KCNT2: variants seen among roughly 807,000 people sequenced by gnomAD.
The protein encoded by KCNT2 is potassium channel subfamily T member 2.
A neutral mutation model predicts 153.8 loss-of-function variants in KCNT2; 67 were observed. The ratio of observed to expected loss-of-function variants is 0.44; its 90% CI spans 0.36 to 0.53. The LOEUF (loss-of-function observed/expected upper bound fraction) is 0.53. Among genes scored for constraint, KCNT2 ranks in the 20% least tolerant of loss-of-function variants. KCNT2 has a pLI of 0.00. For synonymous variants in KCNT2, 500 were observed against 458.8 expected, an observed-to-expected ratio of 1.09 and a Z score of -1.15; for missense variants, 975 against 1,354.8, an observed-to-expected ratio of 0.72 and a Z score of 4.40.
At position 196,326,020 on chromosome 1, in the gene KCNT2, A is replaced by T. The variant is rs555962371; in HGVS notation, c.2276+697T>A. 2.6e-5 allele frequency among the ~76,000 whole-genome samples: 4 copies of T among 152,214 alleles called. No homozygotes were observed. In the South Asian group the frequency reaches 8.3e-4, roughly 32 times the overall value. On this transcript the variant is annotated intron_variant, in intron 19 of 27. Coordinates refer to ENST00000294725, the MANE Select transcript of KCNT2 (RefSeq NM_198503.5). ...ATGAGGAGAGTGAGAGAATCCTAAA[A>T]TATGGTATTAATCTAAAGACCACCT...
At chr1:196,517,299 C>A (rs906177986) in intron 1 of KCNT2, among the ~76,000 whole-genome samples, 2 of 152,138 alleles carry the variant, frequency 1.3e-5, no homozygotes, top group African/African-American at 4.8e-5. Context: ...GCAGTTAAAG[C>A]AATATCCACA....
intron 1 of KCNT2, among the ~76,000 whole-genome samples, chr1:196,578,263 G>T (rs2148967932): frequency 6.7e-6 from 1 of 150,082 alleles, no homozygotes; most frequent in East Asian, 2.0e-4. Context: ...ACAATCAGTT[G>T]TAACCGATCC....
intron 14 of KCNT2, among the ~76,000 whole-genome samples, chr1:196,369,608 G>A (rs1182106814): frequency 9.2e-5 from 14 of 151,930 alleles, no homozygotes; most frequent in Non-Finnish European, 1.6e-4. Context: ...AGTTTACTGA[G>A]AATGATGATT....
At chr1:196,353,570 C>T (rs1385765683) in intron 14 of KCNT2, among the ~76,000 whole-genome samples, 1 of 151,850 alleles carries the variant, frequency 6.6e-6, no homozygotes, top group East Asian at 1.9e-4. Flanking sequence ...ATTATCTGTT[C>T]CATTAACTTT....
In KCNT2 at chr1:196,417,697, G is replaced by A. The variant is rs559993104; in HGVS notation, c.1185+5353C>T. On this transcript the variant is annotated intron_variant, in intron 12 of 27. Coordinates refer to ENST00000294725, the MANE Select transcript of KCNT2 (RefSeq NM_198503.5). ...ATATACAAGTCATGATTCACTTAGCGATGGGGATATATTCTGAGAAATCCA... is the reference window on the plus strand; with the variant it reads ...ATATACAAGTCATGATTCACTTAGCAATGGGGATATATTCTGAGAAATCCA... 2.4e-3 allele frequency among the ~76,000 whole-genome samples: 369 copies of A among 152,108 alleles called. 4 individuals carry two copies. The highest frequency in any genetic ancestry group is 4.5e-3 in the Non-Finnish European group (304 of 67,984).
At chr1:196,492,420 T>C (rs572264322) in intron 1 of KCNT2, 79 bp from the exon 2 acceptor site, 79 of 1,058,000 alleles carry the variant, frequency 7.5e-5, no homozygotes, top group Admixed American at 2.6e-4. Context: ...CAAATATAAA[T>C]TGATCTGTAG....
intron 4 of KCNT2, among the ~76,000 whole-genome samples, chr1:196,480,162 C>G (rs1406878643): frequency 6.6e-6 from 1 of 151,994 alleles, no homozygotes; most frequent in Non-Finnish European, 1.5e-5. Flanking sequence ...ACTCTACAAC[C>G]TTAGGATAGA....
intron 8 of KCNT2, among the ~76,000 whole-genome samples, chr1:196,455,553 AT>A (rs778327896): frequency 6.6e-6 from 1 of 151,760 alleles, no homozygotes; most frequent in Non-Finnish European, 1.5e-5. Flanking sequence ...TCTTTCTTCT[AT>A]CTTTTGTTTT....
At chr1:196,398,170 ATG>A (rs1319575775) in intron 13 of KCNT2, among the ~76,000 whole-genome samples, 1 of 151,450 alleles carries the variant, frequency 6.6e-6, no homozygotes, top group Non-Finnish European at 1.5e-5. Context: ...TGGTAAGCCT[ATG>A]TGTGTATTAA....
At chr1:196,292,744 G>A (rs977444025) in intron 22 of KCNT2, among the ~76,000 whole-genome samples, 3 of 150,548 alleles carry the variant, frequency 2.0e-5, no homozygotes, top group Admixed American at 2.0e-4. Context: ...GAGGCGGGGC[G>A]GAACTTGAAG....
intron 17 of KCNT2, among the ~76,000 whole-genome samples, chr1:196,331,886 T>G (rs112775433): frequency 0.05 from 7,537 of 152,200 alleles, 283 homozygotes; most frequent in Non-Finnish European, 0.072. Flanking sequence ...GTTTTTGTTG[T>G]AATCATACTT....
At chr1:196,603,253 A>G (rs920704590) in intron 1 of KCNT2, among the ~76,000 whole-genome samples, 1 of 152,206 alleles carries the variant, frequency 6.6e-6, no homozygotes, top group African/African-American at 2.4e-5. Flanking sequence ...GTATATGCAT[A>G]GTTGATGCCA....
chr1:196,451,267 C>G, intron 8 of KCNT2, among the ~76,000 whole-genome samples: 1 of 76,368 alleles, frequency 1.3e-5, no homozygotes, highest in Non-Finnish European at 2.7e-5. Flanking sequence ...TTTTGAGACT[C>G]CATCTCACTC....
In KCNT2 at chr1:196,340,288, T is replaced by C. The variant is rs1163086493; in HGVS notation, c.1783+53A>G. The C allele has an allele frequency of 4.6e-6, 5 of 1,092,146 alleles. No homozygotes were observed. In the East Asian group the frequency reaches 1.3e-4, roughly 29 times the overall value. 67.7% of individuals were successfully genotyped at this position (1,092,146 alleles called of 1,614,324 possible). A position where few individuals can be genotyped will look rare whatever the true frequency, so the allele number is the denominator to read the frequency against. On this transcript the variant is annotated intron_variant, in intron 16 of 27. Transcript: ENST00000294725. ...ATTTAAATGCATTGGTATTTATCATTATTTTTTATTTTAGAAATAAATTAA... is the reference window on the plus strand; with the variant it reads ...ATTTAAATGCATTGGTATTTATCATCATTTTTTATTTTAGAAATAAATTAA...
intron 9 of KCNT2, 72 bp downstream of exon 9, chr1:196,429,505 T>C (rs1180508343): frequency 3.0e-6 from 3 of 986,072 alleles, no homozygotes; most frequent in Non-Finnish European, 4.4e-6. Flanking sequence ...ACTTTCCATT[T>C]CTTATTAAAT....
chr1:196,537,450 C>T lies in KCNT2; in HGVS notation c.96-45109G>A, dbSNP rs142280965. Among the ~76,000 whole-genome samples the T allele has an allele frequency of 3.3e-5, 5 of 152,294 alleles. No homozygotes were observed. In the East Asian group the frequency reaches 5.8e-4, roughly 18 times the overall value. ...GCTGCCAAGCCATGTAAAATACCCA[C>T]CCCCAGAATGTATCTGCACTATTAT... On this transcript the variant is annotated intron_variant, in intron 1 of 27. Transcript: ENST00000294725.
intron 13 of KCNT2, among the ~76,000 whole-genome samples, chr1:196,376,017 TA>T (rs1430918982): frequency 6.6e-6 from 1 of 151,886 alleles, no homozygotes; most frequent in Non-Finnish European, 1.5e-5. Context: ...CTTGTCCTCT[TA>T]GGTCCAAATC....
rs566444886 is a variant in KCNT2 at position 196,480,373 on chromosome 1, T to C, written c.325-1135A>G. ...ACAATAAGAAAACAGATAAAATGCA[T>C]AACAGTGTAAGTAAAATATGTTCAG... On this transcript the variant is annotated intron_variant, in intron 4 of 27. Transcript: ENST00000294725. Among the ~76,000 whole-genome samples the C allele has an allele frequency of 2.0e-4, 31 of 152,284 alleles. No homozygotes were observed. In the South Asian group the frequency reaches 3.7e-3, roughly 18 times the overall value.
At chr1:196,366,236 C>T (rs1285660691) in intron 14 of KCNT2, among the ~76,000 whole-genome samples, 5 of 151,544 alleles carry the variant, frequency 3.3e-5, no homozygotes, top group Admixed American at 6.6e-5. Flanking sequence ...CTCAGCTCAC[C>T]GCAGCCTCTG....
Sources: allele counts gnomAD v4.1 joint callset (sites outside exome capture counted in the v4.1 genomes callset), GRCh38; gene constraint gnomAD v4.1.1; transcripts MANE v1.5; gene names NCBI Gene and HGNC (gene_info 2026-07-23, HGNC 2026-07-21).